HEBP1: variants seen among roughly 807,000 people sequenced by gnomAD.
HEBP1 encodes the protein heme-binding protein 1.
In HEBP1, 13 loss-of-function variants were observed where a neutral mutation model predicts 20.4. That is an observed-to-expected ratio of 0.64 (90% CI 0.42 to 1.01). The LOEUF is 1.01. Ranked by LOEUF, HEBP1 falls within the 50% of genes least tolerant of loss-of-function variation. The pLI is 0.00. For synonymous variants in HEBP1, 92 were observed against 90.7 expected, an observed-to-expected ratio of 1.01 and a Z score of -0.08; for missense variants, 241 against 247.3, an observed-to-expected ratio of 0.97 and a Z score of 0.17.
At chr12:12,999,414 C>G (rs11055189) in intron 1 of HEBP1, among the ~76,000 whole-genome samples, 1 of 152,222 alleles carries the variant, frequency 6.6e-6, no homozygotes, top group Admixed American at 6.5e-5. Flanking sequence ...ACGGTCGATC[C>G]GATCACCAAG....
chr12:12,994,898 C>G (rs1864272548), intron 1 of HEBP1, among the ~76,000 whole-genome samples: 1 of 152,110 alleles, frequency 6.6e-6, no homozygotes, highest in South Asian at 2.1e-4. Context: ...ATATATAGGG[C>G]ACTCTACACC....
intron 3 of HEBP1, among the ~76,000 whole-genome samples, chr12:12,978,065 A>G (rs1864018799): frequency 6.6e-6 from 1 of 152,162 alleles, no homozygotes. Context: ...CATTCACATA[A>G]TAAACATCTG....
intron 1 of HEBP1, among the ~76,000 whole-genome samples, chr12:12,994,745 T>C (rs1469879597): frequency 6.6e-6 from 1 of 152,160 alleles, no homozygotes; most frequent in African/African-American, 2.4e-5. Flanking sequence ...CTCCTCCTGA[T>C]ACAGATGAGC....
intron 3 of HEBP1, 36 bp downstream of exon 3, chr12:12,987,116 C>T (rs781106313): frequency 1.1e-5 from 18 of 1,568,140 alleles, no homozygotes; most frequent in South Asian, 2.3e-5. Context: ...GGGAATCAAG[C>T]GCCACCCATG....
chr12:12,989,562 G>C, intron 1 of HEBP1, 147 bp from the exon 2 acceptor site: 2 of 635,646 alleles, frequency 3.1e-6, no homozygotes, highest in Non-Finnish European at 5.4e-6. Context: ...AGGGCCATGA[G>C]AAATAGATTC....
intron 1 of HEBP1, among the ~76,000 whole-genome samples, chr12:12,990,752 G>C (rs1271928228): frequency 1.9e-4 from 29 of 152,142 alleles, no homozygotes; most frequent in Non-Finnish European, 1.5e-5. Flanking sequence ...AGGTCATGCA[G>C]CCTCTGGCTC....
rs1048903561 is a variant in HEBP1 at position 12,996,277 on chromosome 12, G to A, written c.78+3760C>T. On this transcript the variant is annotated intron_variant, in intron 1 of 3. Transcript: ENST00000014930. This position sits in a 1 kb window ranked among gnomAD's most constrained non-coding sequence, Gnocchi z 4.1. ...TAGTGGAGCCAGGACTCAAAGCCAG[G>A]CTATCAGGTCCTAACCTGTGTGCAC... is the stretch of plus-strand genomic sequence containing the variant. Among the ~76,000 whole-genome samples the A allele has an allele frequency of 2.0e-5, 3 of 152,194 alleles. No individual in the cohort carries two copies. Among genetic ancestry groups the A allele is most frequent in the Non-Finnish European group, 2.9e-5 (2 of 68,038 alleles).
In HEBP1 at chr12:12,988,064, C is replaced by T. The variant is rs146892985; in HGVS notation, c.218-732G>A. Reference sequence around the variant, plus strand: ...GGAATATGTCTGTGTAAATTACAGACACATGATACAATATAATGTAGCTAG... The same window carrying T: ...GGAATATGTCTGTGTAAATTACAGATACATGATACAATATAATGTAGCTAG... On this transcript the variant is annotated intron_variant, in intron 2 of 3. Transcript: ENST00000014930. Among the ~76,000 whole-genome samples, 5 of 152,244 alleles carry T rather than the reference C, an allele frequency of 3.3e-5. No individual in the cohort carries two copies. The East Asian group carries it at 9.6e-4, about 29-fold the overall frequency.
In HEBP1 at chr12:12,996,766, C is replaced by A. The variant is rs890770716; in HGVS notation, c.78+3271G>T. On this transcript the variant is annotated intron_variant, in intron 1 of 3. Coordinates refer to ENST00000014930, the MANE Select transcript of HEBP1 (RefSeq NM_015987.5). This position sits in a 1 kb window ranked among gnomAD's most constrained non-coding sequence, Gnocchi z 4.1. The stretch of plus-strand genomic sequence containing the variant: ...GCTCACGGGATGTTAAGTAATTTAC[C>A]CAAACTTTACTGTAAAACTACAGTA... Among the ~76,000 whole-genome samples the A allele has an allele frequency of 1.3e-5, 2 of 152,086 alleles. No individual in the cohort carries two copies. The highest frequency in any genetic ancestry group is 6.5e-5 in the Admixed American group (1 of 15,268).
chr12:12,975,215 C>G lies in HEBP1; in HGVS notation c.*93G>C. The G allele has an allele frequency of 1.6e-6, 2 of 1,232,662 alleles. No homozygotes were observed. The highest frequency in any genetic ancestry group is 2.8e-5 in the South Asian group (2 of 71,638). The allele number at this position is 1,232,662 out of a possible 1,614,324, so 76.4% of individuals were successfully genotyped here. ...AGGAAAGTTGGTTAAGTTGGACTTG[C>G]AGCTGGAACTTGGGAAGCACTGTCC... On this transcript the variant is annotated 3_prime_UTR_variant, in exon 4 of 4. Coordinates refer to ENST00000014930, the MANE Select transcript of HEBP1 (RefSeq NM_015987.5).
In HEBP1 at chr12:12,996,978, T is replaced by C. The variant is rs1426215043; in HGVS notation, c.78+3059A>G. ...AGAATGAAGCTGAGATGAGCACTGA[T>C]ATAATGCTATTACTATATTTGTAGG... On this transcript the variant is annotated intron_variant, in intron 1 of 3. Transcript: ENST00000014930. The surrounding 1 kb of genome is among the most constrained non-coding windows in gnomAD (Gnocchi z 4.1). 1.3e-5 allele frequency among the ~76,000 whole-genome samples: 2 copies of C among 152,240 alleles called. No homozygotes were observed. Among genetic ancestry groups the C allele is most frequent in the Non-Finnish European group, 2.9e-5 (2 of 68,042 alleles).
chr12:12,991,813 C>T (rs1864228879), intron 1 of HEBP1, among the ~76,000 whole-genome samples: 1 of 152,160 alleles, frequency 6.6e-6, no homozygotes, highest in Non-Finnish European at 1.5e-5. Flanking sequence ...TTCTACTCTA[C>T]TGGAGTGAAT....
intron 2 of HEBP1, among the ~76,000 whole-genome samples, chr12:12,987,586 CTCTT>C (rs1864167603): frequency 1.1e-5 from 1 of 94,018 alleles, no homozygotes; most frequent in African/African-American, 2.9e-5. Flanking sequence ...GATTATCAGT[CTCTT>C]TCTCTCTCTC....
In HEBP1 at chr12:12,975,210, A is replaced by G. The variant is rs1281923625; in HGVS notation, c.*98T>C. 1.7e-6 allele frequency: 2 copies of G among 1,169,226 alleles called. No homozygotes were observed. Among genetic ancestry groups the G allele is most frequent in the Non-Finnish European group, 1.2e-6 (1 of 816,312 alleles). 72.4% of individuals were successfully genotyped at this position (1,169,226 alleles called of 1,614,324 possible). A position where few individuals can be genotyped will look rare whatever the true frequency, so the allele number is the denominator to read the frequency against. On this transcript the variant is annotated 3_prime_UTR_variant, in exon 4 of 4. Transcript: ENST00000014930. ...TTTGAAGGAAAGTTGGTTAAGTTGG[A>G]CTTGCAGCTGGAACTTGGGAAGCAC...
rs115575208 is a variant in HEBP1 at position 12,975,771 on chromosome 12, G to T, written c.399-292C>A. Among the ~76,000 whole-genome samples the T allele has an allele frequency of 3.9e-5, 6 of 152,116 alleles. No homozygotes were observed. The East Asian group carries it at 1.2e-3, about 29-fold the overall frequency. On this transcript the variant is annotated intron_variant, in intron 3 of 3. Coordinates refer to ENST00000014930, the MANE Select transcript of HEBP1 (RefSeq NM_015987.5). ...CCTGAAACAGTAGCTGAGTATAAACGTGAGCCTCCCTTTCTTTCCTGAAAT... is the reference window on the plus strand; with the variant it reads ...CCTGAAACAGTAGCTGAGTATAAACTTGAGCCTCCCTTTCTTTCCTGAAAT...
At position 12,986,974 on chromosome 12, in the gene HEBP1, A is replaced by ATG; in HGVS notation, c.398+176_398+177dup. 1.6e-6 allele frequency: 1 copy of ATG among 615,658 alleles called. No individual in the cohort carries two copies. The highest frequency in any genetic ancestry group is 2.9e-6 in the Non-Finnish European group (1 of 350,056). The allele number at this position is 615,658 out of a possible 1,614,324, so 38.1% of individuals were successfully genotyped here. ...AGGCATTTATTCTGATAAAATGCAA[A>ATG]TGTGTGTGTGCTGCAGCCTGAAGAA... On this transcript the variant is annotated intron_variant, in intron 3 of 3. Transcript: ENST00000014930. This position sits in a 1 kb window ranked among gnomAD's most constrained non-coding sequence, Gnocchi z 4.3.
chr12:13,000,169 G>C lies in HEBP1; in HGVS notation c.-55C>G. On this transcript the variant is annotated 5_prime_UTR_variant, in exon 1 of 4. Transcript: ENST00000014930. Reference sequence around the variant, plus strand: ...GAGGACGTGAGGTGGCGGGGGCGACGGAGCACCACGGGCAGCGACCACCGG... The same window carrying C: ...GAGGACGTGAGGTGGCGGGGGCGACCGAGCACCACGGGCAGCGACCACCGG... The C allele has an allele frequency of 8.0e-7, 1 of 1,254,584 alleles. No individual in the cohort carries two copies. 77.7% of individuals were successfully genotyped at this position (1,254,584 alleles called of 1,614,324 possible).
intron 3 of HEBP1, among the ~76,000 whole-genome samples, chr12:12,985,029 TCC>T (rs1453240177): frequency 2.0e-5 from 3 of 151,666 alleles, no homozygotes; most frequent in Non-Finnish European, 4.4e-5. Context: ...GTTCCTGTAC[TCC>T]CAGCTACTTG....
chr12:12,994,866 A>G (rs1864272269), intron 1 of HEBP1, among the ~76,000 whole-genome samples: 1 of 152,196 alleles, frequency 6.6e-6, no homozygotes. Context: ...GCTGTGAATG[A>G]GGTTGGGATT....
Sources: gnomAD v4.1 joint callset for allele counts (sites outside exome capture counted in the v4.1 genomes callset) on GRCh38, gnomAD v4.1.1 for gene constraint, Gnocchi (gnomAD v3.1) non-coding constraint, MANE v1.5 for transcripts, NCBI Gene and HGNC (gene_info 2026-07-23, HGNC 2026-07-21) for gene names.